EPM2A: variants seen among roughly 807,000 people sequenced by gnomAD.
EPM2A encodes the protein laforin.
Under a neutral mutation model 26.5 loss-of-function variants are expected in EPM2A, and 21 were observed. The ratio of observed to expected loss-of-function variants is 0.79; its 90% CI spans 0.56 to 1.14. The LOEUF is 1.14. EPM2A is among the 50% of genes most tolerant of loss of function. EPM2A has a pLI of 0.00. For missense variants in EPM2A, 458 were observed against 440.8 expected (o/e 1.04, Z -0.35); for synonymous variants, 217 against 177.6 (o/e 1.22, Z -1.76).
chr6:145,426,447 AAC>A (rs1277273099), intron 4 of EPM2A, among the ~76,000 whole-genome samples: 7 of 152,254 alleles, frequency 4.6e-5, no homozygotes. Flanking sequence ...TTTTTAAATT[AAC>A]AGTGTAGCAT....
chr6:145,672,318 C>G (rs702307), intron 2 of EPM2A, among the ~76,000 whole-genome samples: 95,829 of 151,990 alleles, frequency 0.63, 30,682 homozygotes, highest in East Asian at 0.74. Context: ...TTAAAACACA[C>G]GCCCCTAAGG....
At chr6:145,639,762 T>A (rs1458573895) in intron 2 of EPM2A, 1 of 152,186 alleles carries the variant, frequency 6.6e-6, no homozygotes, top group African/African-American at 2.4e-5. Flanking sequence ...ATGTGTTTAA[T>A]GCACAGTACC....
chr6:145,728,628 C>A (rs1776330575), intron 1 of EPM2A, among the ~76,000 whole-genome samples: 1 of 152,136 alleles, frequency 6.6e-6, no homozygotes, highest in South Asian at 2.1e-4. Flanking sequence ...CTTCTAACAG[C>A]ATATGCTCAT....
In EPM2A at chr6:145,626,345, G is replaced by T. The variant is rs775757205; in HGVS notation, c.*1071C>A. The T allele has an allele frequency of 4.1e-6, 4 of 986,018 alleles. No homozygotes were observed. The highest frequency in any genetic ancestry group is 4.8e-6 in the Non-Finnish European group (4 of 830,068). 61.1% of individuals were successfully genotyped at this position (986,018 alleles called of 1,614,324 possible). The stretch of plus-strand genomic sequence containing the variant: ...GAGCTGAGCCAGGATGGCCAAGGCT[G>T]TGAAGCAATTATCCATGGATTTGGT... On this transcript the variant is annotated 3_prime_UTR_variant, in exon 4 of 4. Coordinates refer to ENST00000367519, the MANE Select transcript of EPM2A (RefSeq NM_005670.4).
At chr6:145,710,344 T>C (rs1042061015) in intron 1 of EPM2A, among the ~76,000 whole-genome samples, 8 of 152,194 alleles carry the variant, frequency 5.3e-5, no homozygotes. Flanking sequence ...CGAAGACATT[T>C]ATGCAGCCAA....
chr6:145,583,105 T>C (rs1014603394), intron 2 of EPM2A, among the ~76,000 whole-genome samples: 1 of 152,220 alleles, frequency 6.6e-6, no homozygotes, highest in Admixed American at 6.5e-5. Flanking sequence ...AACTTTCACC[T>C]AAATCTCGAT....
intron 2 of EPM2A, among the ~76,000 whole-genome samples, chr6:145,563,994 T>C (rs1336521257): frequency 1.3e-5 from 2 of 152,220 alleles, no homozygotes; most frequent in African/African-American, 4.8e-5. Context: ...GGTGTAGTAT[T>C]TGCATATAAT....
intron 4 of EPM2A, among the ~76,000 whole-genome samples, chr6:145,433,571 A>C (rs1778948825): frequency 6.6e-6 from 1 of 152,088 alleles, no homozygotes; most frequent in Non-Finnish European, 1.5e-5. Flanking sequence ...GCTATATTTA[A>C]ATGGACCTTT....
chr6:145,399,539 G>GAAA (rs371462018), intron 4 of EPM2A, among the ~76,000 whole-genome samples: 1 of 151,882 alleles, frequency 6.6e-6, no homozygotes, highest in Non-Finnish European at 1.5e-5. Context: ...TATGCGAACA[G>GAAA]AAAAAAAATC....
At chr6:145,728,287 T>C (rs1375149910) in intron 1 of EPM2A, among the ~76,000 whole-genome samples, 1 of 152,066 alleles carries the variant, frequency 6.6e-6, no homozygotes, top group African/African-American at 2.4e-5. Flanking sequence ...TAGAACTGGG[T>C]GTTGGGCAGA....
At chr6:145,438,180 A>G (rs1779013052) in intron 4 of EPM2A, among the ~76,000 whole-genome samples, 1 of 152,166 alleles carries the variant, frequency 6.6e-6, no homozygotes, top group South Asian at 2.1e-4. Context: ...GACCAAGACA[A>G]ATGGTGTCAT....
intron 2 of EPM2A, among the ~76,000 whole-genome samples, chr6:145,620,089 G>A (rs1775599832): frequency 6.6e-6 from 1 of 152,192 alleles, no homozygotes; most frequent in Admixed American, 6.5e-5. Context: ...CACTATGGGT[G>A]TAAAATCTCT....
intron 2 of EPM2A, among the ~76,000 whole-genome samples, chr6:145,525,215 T>TTTTATTTA (rs71552932): frequency 0.018 from 2,623 of 147,044 alleles, 23 homozygotes; most frequent in African/African-American, 0.02. Flanking sequence ...ATGCCTTCAA[T>TTTTATTTA]TTTATTTATT....
intron 4 of EPM2A, among the ~76,000 whole-genome samples, chr6:145,432,869 T>C (rs1337091974): frequency 1.3e-5 from 2 of 152,230 alleles, no homozygotes; most frequent in Admixed American, 1.3e-4. Flanking sequence ...TGCTGCAGCT[T>C]ATAATCAGCA....
intron 4 of EPM2A, among the ~76,000 whole-genome samples, chr6:145,405,776 T>G (rs995055422): frequency 2.0e-5 from 3 of 152,154 alleles, no homozygotes; most frequent in African/African-American, 7.2e-5. Flanking sequence ...ATAGTCATTC[T>G]GGAAACTGTT....
intron 4 of EPM2A, among the ~76,000 whole-genome samples, chr6:145,424,777 C>A (rs2114686587): frequency 6.6e-6 from 1 of 152,218 alleles, no homozygotes; most frequent in East Asian, 1.9e-4. Context: ...CGTGAGGATG[C>A]AGAGAAAAGG....
At chr6:145,693,325 G>A (rs533764784) in intron 1 of EPM2A, among the ~76,000 whole-genome samples, 11 of 152,046 alleles carry the variant, frequency 7.2e-5, no homozygotes, top group Admixed American at 1.3e-4. Flanking sequence ...GAGACTGTGA[G>A]GTTTTCTAGG....
intron 2 of EPM2A, among the ~76,000 whole-genome samples, chr6:145,536,273 TTTTG>T (rs1208473505): frequency 6.6e-4 from 31 of 46,730 alleles, no homozygotes; most frequent in South Asian, 1.2e-3. Context: ...TTGTTTTTGT[TTTTG>T]TTTTGGTTTT....
At chr6:145,720,352 AG>A (rs1174400787) in intron 1 of EPM2A, among the ~76,000 whole-genome samples, 1 of 152,200 alleles carries the variant, frequency 6.6e-6, no homozygotes. Flanking sequence ...TACATAAAAT[AG>A]TTTTACTTCC....
Sources: allele counts gnomAD v4.1 joint callset (sites outside exome capture counted in the v4.1 genomes callset), GRCh38; gene constraint gnomAD v4.1.1; transcripts MANE v1.5; gene names NCBI Gene and HGNC (gene_info 2026-07-23, HGNC 2026-07-21).